Variants in TRMT10A observed in about 807,000 individuals in gnomAD.
The protein encoded by TRMT10A is tRNA methyltransferase 10 homolog A.
A neutral mutation model predicts 40.4 loss-of-function variants in TRMT10A; 37 were observed. The observed-to-expected ratio is 0.92, with a 90% CI of 0.71 to 1.21. TRMT10A has a LOEUF of 1.21. TRMT10A is among the 50% of genes most tolerant of loss of function. The pLI is 0.00. For missense variants in TRMT10A, 388 were observed against 404.3 expected (o/e 0.96, Z 0.35); for synonymous variants, 103 against 134.1 (o/e 0.77, Z 1.60).
intron 3 of TRMT10A, 128 bp from the exon 4 acceptor site, chr4:99,557,544 G>A: frequency 1.5e-6 from 1 of 681,840 alleles, no homozygotes; most frequent in South Asian, 2.3e-5. Flanking sequence ...AAATACAAAT[G>A]CATTCTGATA....
At chr4:99,560,041 T>C (rs1438096330) in intron 1 of TRMT10A, among the ~76,000 whole-genome samples, 1 of 152,026 alleles carries the variant, frequency 6.6e-6, no homozygotes, top group Non-Finnish European at 1.5e-5. Flanking sequence ...CAAAAAATTT[T>C]AAAAAGAGAT....
rs572468955 is a variant in TRMT10A, at chr4:99,557,937, C to G, written c.348+112G>C. 5 of 1,081,682 alleles carry G rather than the reference C, an allele frequency of 4.6e-6. No homozygotes were observed. In the East Asian group the frequency reaches 1.4e-4, roughly 31 times the overall value. The allele number at this position is 1,081,682 out of a possible 1,614,324, so 67.0% of individuals were successfully genotyped here. A position where few individuals can be genotyped will look rare whatever the true frequency, so the allele number is the denominator to read the frequency against. On this transcript the variant is annotated intron_variant, in intron 3 of 7. Coordinates refer to ENST00000394876, the MANE Select transcript of TRMT10A (RefSeq NM_001134665.3). The stretch of plus-strand genomic sequence containing the variant: ...TTAACTTAGGGGAAAGTTTGAAAAA[C>G]TGAAGATTCATTTCAATACACAAAT...
intron 4 of TRMT10A, among the ~76,000 whole-genome samples, 190 bp downstream of exon 4, chr4:99,557,155 G>T (rs1237257144): frequency 6.6e-6 from 1 of 152,164 alleles, no homozygotes. Context: ...TGGAAAGAGT[G>T]TGTCTAAGAT....
intron 6 of TRMT10A, among the ~76,000 whole-genome samples, chr4:99,551,926 AT>A (rs202198650): frequency 0.16 from 24,246 of 150,934 alleles, 2,024 homozygotes; most frequent in South Asian, 0.28. Flanking sequence ...AAAGAGGAAA[AT>A]TTTTTTTTTA....
intron 7 of TRMT10A, among the ~76,000 whole-genome samples, chr4:99,549,759 CT>C (rs1309097001): frequency 2.0e-5 from 3 of 151,982 alleles, no homozygotes; most frequent in Non-Finnish European, 2.9e-5. Context: ...TCCTTGACTG[CT>C]TTTTTTTCTT....
intron 5 of TRMT10A, among the ~76,000 whole-genome samples, chr4:99,555,850 A>G (rs1236305508): frequency 2.0e-5 from 3 of 152,338 alleles, no homozygotes; most frequent in South Asian, 2.1e-4. Context: ...CATATAATGT[A>G]TAGCTAGTAT....
chr4:99,552,893 G>T (rs976178855), intron 6 of TRMT10A, among the ~76,000 whole-genome samples: 1 of 151,944 alleles, frequency 6.6e-6, no homozygotes, highest in Non-Finnish European at 1.5e-5. Context: ...CTTGGTGGGG[G>T]GGGGAGGCAG....
chr4:99,553,907 T>A lies in TRMT10A; in HGVS notation c.523A>T (p.Ser175Cys), dbSNP rs2110186736. The change falls in exon 6 of 8, where the codon AGT (serine) becomes TGT (cysteine). Residue 175 changes from serine to cysteine, a missense_variant. Coordinates refer to ENST00000394876, the MANE Select transcript of TRMT10A (RefSeq NM_001134665.3). ...AGGTCTTCTTTCTTTATGAGTTCAC[T>A]ATAGTGCTCTGGTTTGATATGGATA... ...KDIHIKPEHY[S>C]ELIKKEDLIY... 3 of 1,613,424 alleles carry A rather than the reference T, an allele frequency of 1.9e-6. No individual in the cohort carries two copies.
chr4:99,554,722 C>CAAAAAAA (rs532448105), intron 5 of TRMT10A, among the ~76,000 whole-genome samples: 17 of 90,464 alleles, frequency 1.9e-4, no homozygotes, highest in South Asian at 4.0e-4. Flanking sequence ...GACTACGTTT[C>CAAAAAAA]AAAAAAAAAA....
In TRMT10A at chr4:99,549,310, T is replaced by A; in HGVS notation, c.798A>T (p.Glu266Asp). The change falls in exon 8 of 8, where the codon GAA becomes GAT. Residue 266 changes from glutamate (E) to aspartate (D), a missense_variant. Physicochemically the swap from Glu to Asp is conservative, Grantham distance 45. Coordinates refer to ENST00000394876, the MANE Select transcript of TRMT10A (RefSeq NM_001134665.3). ...GTTGGGGCAAGATAGTAAAAAATGCTTCTTGCCAGTCTCTTGTTTCCAGGT... is the reference window on the plus strand; with the variant it reads ...GTTGGGGCAAGATAGTAAAAAATGCATCTTGCCAGTCTCTTGTTTCCAGGT... ...LEYLETRDWQ[E>D]AFFTILPQRK... 6.2e-7 allele frequency: 1 copy of A among 1,614,184 alleles called. No individual in the cohort carries two copies. Among genetic ancestry groups the A allele is most frequent in the Non-Finnish European group, 8.5e-7 (1 of 1,180,004 alleles).
chr4:99,553,635 G>A lies in TRMT10A; in HGVS notation c.645+150C>T, dbSNP rs138001851. On this transcript the variant is annotated intron_variant, in intron 6 of 7. Transcript: ENST00000394876. ...GTGAAGATTAAGCAAGCTAACTTAT[G>A]TGAAATACTTTGCTTAGCTCAGAAG... 156 of 669,396 alleles carry A rather than the reference G, an allele frequency of 2.3e-4. 2 individuals are homozygous for A. In the East Asian group the frequency reaches 4.5e-3, roughly 19 times the overall value. The allele number at this position is 669,396 out of a possible 1,614,324, so 41.5% of individuals were successfully genotyped here. A position where few individuals can be genotyped will look rare whatever the true frequency, so the allele number is the denominator to read the frequency against.
intron 6 of TRMT10A, among the ~76,000 whole-genome samples, chr4:99,553,379 C>T (rs1477770301): frequency 6.6e-6 from 1 of 152,092 alleles, no homozygotes; most frequent in Admixed American, 6.6e-5. Context: ...ATGAAAATAA[C>T]ATATTTAAAA....
chr4:99,551,126 T>C, intron 6 of TRMT10A, 136 bp from the exon 7 acceptor site: 1 of 615,084 alleles, frequency 1.6e-6, no homozygotes, highest in Non-Finnish European at 2.7e-6. Context: ...ATGGGGGGTA[T>C]GTGTGTGTTT....
chr4:99,561,199 T>C (rs1489444253), intron 1 of TRMT10A, among the ~76,000 whole-genome samples: 2 of 152,114 alleles, frequency 1.3e-5, no homozygotes, highest in Non-Finnish European at 2.9e-5. Context: ...ACTCCTGACA[T>C]CGTGATCCGC....
chr4:99,562,021 A>T (rs1724417388), intron 1 of TRMT10A, among the ~76,000 whole-genome samples: 1 of 151,998 alleles, frequency 6.6e-6, no homozygotes. Context: ...AAATACAAAA[A>T]TTAGCCAGGC....
intron 1 of TRMT10A, among the ~76,000 whole-genome samples, chr4:99,559,581 T>G (rs1396707466): frequency 1.3e-5 from 2 of 152,200 alleles, no homozygotes; most frequent in African/African-American, 4.8e-5. Context: ...CTACTGGTGG[T>G]CATGGTACAA....
Position 99,558,147 on chromosome 4 carries a change from A to T in TRMT10A, c.250T>A (p.Ser84Thr), listed in dbSNP as rs781417698. The change falls in exon 3 of 8, where the codon TCA becomes ACA. Residue 84 changes from serine to threonine, a missense_variant. Physicochemically the swap from Ser to Thr is moderately conservative, Grantham distance 58 (BLOSUM62 1). Transcript: ENST00000394876. The part of the protein sequence containing the change: ...LERQCQMEPN[S>T]DGHDRKRVRR... ...ACACGTTTTCTGTCATGTCCATCTGAGTTTGGTTCCATTTGACATTGTCGC... is the reference window on the plus strand; with the variant it reads ...ACACGTTTTCTGTCATGTCCATCTGTGTTTGGTTCCATTTGACATTGTCGC... 1.2e-6 allele frequency: 2 copies of T among 1,611,440 alleles called. No homozygotes were observed. Among genetic ancestry groups the T allele is most frequent in the Admixed American group, 3.4e-5 (2 of 59,530 alleles).
At chr4:99,563,782 C>T (rs927163130) in intron 1 of TRMT10A, 131 bp downstream of exon 1, 2 of 518,740 alleles carry the variant, frequency 3.9e-6, no homozygotes, top group East Asian at 8.8e-5. Flanking sequence ...CGCAGGAAAC[C>T]ACTTCCACAC....
chr4:99,554,849 A>G (rs2110187948), intron 5 of TRMT10A, among the ~76,000 whole-genome samples: 1 of 152,322 alleles, frequency 6.6e-6, no homozygotes, highest in South Asian at 2.1e-4. Context: ...TTGTCAGGTC[A>G]CAGGTACAAA....
Sources: allele counts gnomAD v4.1 joint callset (sites outside exome capture counted in the v4.1 genomes callset), GRCh38; gene constraint gnomAD v4.1.1; transcripts MANE v1.5; gene names NCBI Gene and HGNC (gene_info 2026-07-23, HGNC 2026-07-21).